Variants in PLXNA4 observed in about 807,000 individuals in gnomAD.
The protein encoded by PLXNA4 is plexin A4, also known as plexin-A4.
Under a neutral mutation model 191.8 loss-of-function variants are expected in PLXNA4, and 44 were observed. That is an observed-to-expected ratio of 0.23 (90% CI 0.18 to 0.29). The LOEUF is 0.29. Among genes scored for constraint, PLXNA4 ranks in the 10% least tolerant of loss-of-function variants. The pLI, the probability that PLXNA4 is intolerant of heterozygous loss-of-function variation, is 1.00. For missense variants in PLXNA4, 1,800 were observed against 2,488.8 expected (o/e 0.72, Z 5.89); for synonymous variants, 1,082 against 1,009.5 (o/e 1.07, Z -1.36).
At chr7:132,157,077 G>T (rs1411368404) in intron 25 of PLXNA4, among the ~76,000 whole-genome samples, 1 of 152,208 alleles carries the variant, frequency 6.6e-6, no homozygotes, top group Non-Finnish European at 1.5e-5. Flanking sequence ...TGTCCCTGGT[G>T]TGGGGATCTT....
At chr7:132,177,589 C>T (rs1048865747) in intron 20 of PLXNA4, among the ~76,000 whole-genome samples, 4 of 152,204 alleles carry the variant, frequency 2.6e-5, no homozygotes, top group South Asian at 2.1e-4. Context: ...GAGCTCCCAT[C>T]GGCTGCTCCC....
chr7:132,581,167 G>A (rs1563186273), upstream of PLXNA4, among the ~76,000 whole-genome samples: 2 of 152,210 alleles, frequency 1.3e-5, no homozygotes, highest in Non-Finnish European at 2.9e-5. Context: ...GGGACTAAGT[G>A]GACCTCTAAG....
intron 21 of PLXNA4, 63 bp from the exon 22 acceptor site, chr7:132,168,635 C>T (rs534517828): frequency 1.4e-4 from 218 of 1,512,136 alleles, no homozygotes; most frequent in Non-Finnish European, 1.7e-4. Flanking sequence ...GACCTCCCCA[C>T]GGGATGGCTG....
intron 9 of PLXNA4, among the ~76,000 whole-genome samples, chr7:132,217,256 G>A (rs1415895343): frequency 6.6e-6 from 1 of 152,204 alleles, no homozygotes; most frequent in Non-Finnish European, 1.5e-5. Context: ...ACCATGTCCA[G>A]CACGTTAGTG....
At chr7:132,228,585 C>T in intron 5 of PLXNA4, 116 bp from the exon 6 acceptor site, 1 of 1,301,186 alleles carries the variant, frequency 7.7e-7, no homozygotes, top group Non-Finnish European at 1.0e-6. Context: ...CTCAATGCGC[C>T]CAGAGCTAAC....
chr7:132,148,700 A>G lies in PLXNA4; in HGVS notation c.4661-54T>C, dbSNP rs2116578102. ...AGGCCCTATGACCCCTCTTGTGGGG[A>G]AGCTGAGGACCCTGTGTAGGTACCT... On this transcript the variant is annotated intron_variant, in intron 25 of 31. Transcript: ENST00000321063. The G allele has an allele frequency of 2.5e-6, 4 of 1,611,450 alleles. No homozygotes were observed. The South Asian group carries it at 4.4e-5, about 18-fold the overall frequency.
intron 10 of PLXNA4, among the ~76,000 whole-genome samples, chr7:132,205,436 T>A (rs1797583721): frequency 6.6e-6 from 1 of 152,148 alleles, no homozygotes; most frequent in African/African-American, 2.4e-5. Flanking sequence ...GGGAGGCAGA[T>A]GACTGCCCCA....
intron 4 of PLXNA4, chr7:132,271,198 C>T (rs763805845): frequency 3.9e-5 from 6 of 152,124 alleles, no homozygotes; most frequent in Non-Finnish European, 7.3e-5. Context: ...GGAAAGGATC[C>T]TCCTTGGAAG....
chr7:132,396,798 G>A (rs1308074888), intron 3 of PLXNA4, among the ~76,000 whole-genome samples: 1 of 152,252 alleles, frequency 6.6e-6, no homozygotes, highest in African/African-American at 2.4e-5. Context: ...GGCCAGCAGG[G>A]CCAGACTTTG....
chr7:132,453,060 C>T (rs1796182838), intron 3 of PLXNA4, among the ~76,000 whole-genome samples: 1 of 152,074 alleles, frequency 6.6e-6, no homozygotes, highest in African/African-American at 2.4e-5. Flanking sequence ...AGTTTTTGGT[C>T]ATGGGGAATT....
At chr7:132,646,948 AAC>A (rs1485897576) in intron 1 of PLXNA4, among the ~76,000 whole-genome samples, 1 of 150,326 alleles carries the variant, frequency 6.7e-6, no homozygotes, top group East Asian at 2.0e-4. Context: ...CACATATACA[AAC>A]ACACGCTGTC....
intron 3 of PLXNA4, among the ~76,000 whole-genome samples, chr7:132,332,262 G>A (rs776115935): frequency 6.6e-6 from 1 of 152,172 alleles, no homozygotes; most frequent in Non-Finnish European, 1.5e-5. Flanking sequence ...TTTGGGCAAT[G>A]CACTACCAGG....
At chr7:132,376,183 CTCA>C (rs1804651181) in intron 3 of PLXNA4, among the ~76,000 whole-genome samples, 1 of 152,182 alleles carries the variant, frequency 6.6e-6, no homozygotes, top group Non-Finnish European at 1.5e-5. Flanking sequence ...GTGAAAAGGT[CTCA>C]TCAATCATCA....
At chr7:132,192,696 G>A (rs928722942) in intron 14 of PLXNA4, among the ~76,000 whole-genome samples, 1 of 152,146 alleles carries the variant, frequency 6.6e-6, no homozygotes, top group Non-Finnish European at 1.5e-5. Context: ...GAATCATGAG[G>A]AAATTATACC....
intron 5 of PLXNA4, among the ~76,000 whole-genome samples, chr7:132,234,061 G>A (rs937719236): frequency 6.6e-6 from 1 of 152,128 alleles, no homozygotes; most frequent in African/African-American, 2.4e-5. Context: ...GAAAGAACAG[G>A]TGTGGAGCAG....
chr7:132,218,351 T>C (rs1201939930), intron 9 of PLXNA4, among the ~76,000 whole-genome samples: 2 of 152,148 alleles, frequency 1.3e-5, no homozygotes, highest in African/African-American at 4.8e-5. Context: ...GGCAGGCTGG[T>C]TGAACTTCAA....
At chr7:132,392,871 G>A (rs190719034) in intron 3 of PLXNA4, among the ~76,000 whole-genome samples, 49 of 152,210 alleles carry the variant, frequency 3.2e-4, no homozygotes, top group African/African-American at 9.9e-4. Context: ...CAAAACAGGC[G>A]TGATCATTCA....
At chr7:132,623,488 G>A (rs1018321588) in intron 2 of PLXNA4, among the ~76,000 whole-genome samples, 1 of 152,102 alleles carries the variant, frequency 6.6e-6, no homozygotes, top group African/African-American at 2.4e-5. Flanking sequence ...AGAAGGAATG[G>A]GACTTTAAAA....
At chr7:132,313,641 T>A (rs114362670) in intron 3 of PLXNA4, among the ~76,000 whole-genome samples, 2,585 of 152,174 alleles carry the variant, frequency 0.017, 70 homozygotes, top group African/African-American at 0.059. Context: ...GGTGGGAGTG[T>A]GGCCGATTGA....
Sources: allele counts gnomAD v4.1 joint callset (sites outside exome capture counted in the v4.1 genomes callset), GRCh38; gene constraint gnomAD v4.1.1; transcripts MANE v1.5; gene names NCBI Gene and HGNC (gene_info 2026-07-23, HGNC 2026-07-21).